C5: variants seen among roughly 807,000 people sequenced by gnomAD.
C5 encodes the protein complement C5.
A neutral mutation model predicts 218.8 loss-of-function variants in C5; 140 were observed. That is an observed-to-expected ratio of 0.64 (90% CI 0.56 to 0.74). The LOEUF (loss-of-function observed/expected upper bound fraction) is 0.74, where lower values mean the gene tolerates loss of function less well. Among genes scored for constraint, C5 ranks in the 30% least tolerant of loss-of-function variants. The pLI is 0.00. For synonymous variants in C5, 614 were observed against 682.3 expected (o/e 0.90, Z 1.56); for missense variants, 1,700 against 1,969.6 (o/e 0.86, Z 2.59).
At chr9:121,007,168 G>GC (rs2047222975) in intron 18 of C5, among the ~76,000 whole-genome samples, 191 bp from the exon 19 acceptor site, 4 of 152,154 alleles carry the variant, frequency 2.6e-5, no homozygotes, top group Non-Finnish European at 4.4e-5. Context: ...TATATTGCAT[G>GC]TTTTTAGACA....
At chr9:120,999,661 A>G in intron 20 of C5, 1 of 240,016 alleles carries the variant, frequency 4.2e-6, no homozygotes, top group Non-Finnish European at 8.3e-6. Context: ...GAGGAATGTA[A>G]TAGAATCCAG....
intron 25 of C5, among the ~76,000 whole-genome samples, chr9:120,983,844 G>T (rs1324780521): frequency 6.6e-6 from 1 of 151,708 alleles, no homozygotes; most frequent in Non-Finnish European, 1.5e-5. Flanking sequence ...TTTATGAAAA[G>T]TCTCCTTCTA....
At chr9:120,966,269 T>C (rs139646319) in intron 33 of C5, among the ~76,000 whole-genome samples, 1 of 152,374 alleles carries the variant, frequency 6.6e-6, no homozygotes, top group African/African-American at 2.4e-5. Flanking sequence ...CTTTCTTTTG[T>C]ATATTGATAA....
At chr9:120,966,075 GA>G (rs2046865385) in intron 33 of C5, among the ~76,000 whole-genome samples, 1 of 152,186 alleles carries the variant, frequency 6.6e-6, no homozygotes, top group Non-Finnish European at 1.5e-5. Flanking sequence ...AATCAGGAGA[GA>G]GAATATTTGA....
chr9:120,952,434 G>C lies in C5; in HGVS notation c.*305C>G, dbSNP rs938756313. ...TTGTAATACTCCCTTTCAATGGACT[G>C]TTCTTTCGGCCCCAGCAAACATTCC... On this transcript the variant is annotated 3_prime_UTR_variant, in exon 41 of 41. Transcript: ENST00000223642. The C allele has an allele frequency of 6.8e-5, 24 of 352,266 alleles. No individual in the cohort carries two copies. The highest frequency in any genetic ancestry group is 1.7e-4 in the South Asian group (7 of 41,802). 21.8% of individuals were successfully genotyped at this position (352,266 alleles called of 1,614,324 possible). A position where few individuals can be genotyped will look rare whatever the true frequency, so the allele number is the denominator to read the frequency against.
chr9:121,052,877 A>G (rs2047679521), upstream of C5, among the ~76,000 whole-genome samples: 2 of 152,260 alleles, frequency 1.3e-5, no homozygotes, highest in Admixed American at 6.5e-5. Flanking sequence ...TATTAATACA[A>G]ACTACAGAAC....
At chr9:121,007,343 A>C (rs1040862656) in intron 18 of C5, among the ~76,000 whole-genome samples, 1 of 152,232 alleles carries the variant, frequency 6.6e-6, no homozygotes, top group Non-Finnish European at 1.5e-5. Context: ...ACATAACTAA[A>C]AACTGCTGAT....
chr9:120,963,787 T>A, intron 33 of C5, 49 bp from the exon 34 acceptor site: 5 of 1,373,766 alleles, frequency 3.6e-6, no homozygotes, highest in Non-Finnish European at 5.1e-6. Context: ...TGAATAAGAG[T>A]CTTTAAGAAA....
intron 3 of C5, among the ~76,000 whole-genome samples, chr9:121,041,226 G>C (rs937360968): frequency 6.8e-6 from 1 of 148,108 alleles, no homozygotes; most frequent in Non-Finnish European, 1.5e-5. Flanking sequence ...TTACAGGCAT[G>C]AGCCACTGTG....
intron 38 of C5, among the ~76,000 whole-genome samples, chr9:120,958,140 T>C (rs186863306): frequency 6.6e-6 from 1 of 152,322 alleles, no homozygotes; most frequent in East Asian, 1.9e-4. Flanking sequence ...GATTGACTGA[T>C]TGAGAGGTAG....
rs41312881 is a variant in C5, at chr9:120,969,547, CAGG to C, written c.4163-432_4163-430del. ...CTGACCCTGGAGGCAATGGGGAGACCAGGAGGACTGGAGTGTGCAAGTGGACTT... is the reference window on the plus strand; with the variant it reads ...CTGACCCTGGAGGCAATGGGGAGACCAGGACTGGAGTGTGCAAGTGGACTT... On this transcript the variant is annotated intron_variant, in intron 32 of 40. Coordinates refer to ENST00000223642, the MANE Select transcript of C5 (RefSeq NM_001735.3). Among the ~76,000 whole-genome samples, 110 of 152,174 alleles carry C rather than the reference CAGG, an allele frequency of 7.2e-4. 1 individual carries two copies. The highest frequency in any genetic ancestry group is 2.6e-3 in the African/African-American group (107 of 41,492).
chr9:120,977,909 A>G (rs2046965028), intron 28 of C5, among the ~76,000 whole-genome samples: 1 of 152,238 alleles, frequency 6.6e-6, no homozygotes, highest in Admixed American at 6.5e-5. Flanking sequence ...TAGTATAGAT[A>G]ATACTTTCTT....
At chr9:120,991,379 A>C in intron 22 of C5, 99 bp from the exon 23 acceptor site, 1 of 752,578 alleles carries the variant, frequency 1.3e-6, no homozygotes, top group Non-Finnish European at 2.3e-6. Context: ...TTTCAAAATA[A>C]AAGACTTATA....
chr9:120,970,114 T>G (rs1052559869), intron 32 of C5, 56 bp downstream of exon 32: 12 of 1,201,072 alleles, frequency 1.0e-5, no homozygotes, highest in Middle Eastern at 1.9e-4. Flanking sequence ...AGCTCTCTAT[T>G]TATACACATG....
chr9:121,034,276 C>T (rs1055889293), intron 5 of C5, among the ~76,000 whole-genome samples: 1 of 152,178 alleles, frequency 6.6e-6, no homozygotes, highest in Non-Finnish European at 1.5e-5. Context: ...ATCTCTCCCT[C>T]TTATTGTGAT....
In C5 at chr9:121,030,396, C is replaced by A; in HGVS notation, c.758+1G>T. The A allele has an allele frequency of 7.1e-7, 1 of 1,407,620 alleles. No homozygotes were observed. Among genetic ancestry groups the A allele is most frequent in the South Asian group, 1.3e-5 (1 of 77,420 alleles). 87.2% of individuals were successfully genotyped at this position (1,407,620 alleles called of 1,614,324 possible). On this transcript the variant is annotated splice_donor_variant, in intron 7 of 40. Transcript: ENST00000223642. LOFTEE classifies it high-confidence loss of function. Reference sequence around the variant, plus strand: ...AACAACAAAAAAACAAATGTTCTTACCTTGCTTTTATAGTAATTTCAAAAT... The same window carrying A: ...AACAACAAAAAAACAAATGTTCTTAACTTGCTTTTATAGTAATTTCAAAAT...
intron 15 of C5, among the ~76,000 whole-genome samples, chr9:121,015,638 C>T (rs1349071036): frequency 6.6e-6 from 1 of 152,086 alleles, no homozygotes; most frequent in African/African-American, 2.4e-5. Context: ...ATGAATACCA[C>T]AGTATCAAGT....
intron 33 of C5, among the ~76,000 whole-genome samples, chr9:120,966,475 G>A (rs1486102711): frequency 2.0e-5 from 3 of 152,204 alleles, no homozygotes; most frequent in Non-Finnish European, 4.4e-5. Context: ...TACTGGTAGA[G>A]GCTATCCCAC....
rs1484500010 is a variant in C5 at position 121,034,853 on chromosome 9, A to T, written c.534T>A (p.Asp178Glu). ...GSEVDMVEEI[D>E]HIGIISFPDF... ...CAGGAAAAGAGATAATTCCAATATG[A>T]TCAATTTCTTCTACCATGTCAACTT... The change falls in exon 5 of 41, where the codon GAT (aspartate) becomes GAA (glutamate). Residue 178 changes from aspartate (D) to glutamate (E), a missense_variant. Transcript: ENST00000223642. 6.3e-7 allele frequency: 1 copy of T among 1,597,764 alleles called. No individual in the cohort carries two copies. Among genetic ancestry groups the T allele is most frequent in the Non-Finnish European group, 8.6e-7 (1 of 1,166,288 alleles).
Sources: gnomAD v4.1 joint callset for allele counts (sites outside exome capture counted in the v4.1 genomes callset) on GRCh38, gnomAD v4.1.1 for gene constraint, MANE v1.5 for transcripts, NCBI Gene and HGNC (gene_info 2026-07-23, HGNC 2026-07-21) for gene names.